Variants in SRPK2 observed in about 807,000 individuals in gnomAD.
The protein encoded by SRPK2 is SFRS protein kinase 2.
In SRPK2, 21 loss-of-function variants were observed where a neutral mutation model predicts 90.8. The observed-to-expected ratio is 0.23, with a 90% CI of 0.16 to 0.33. The LOEUF (loss-of-function observed/expected upper bound fraction) is 0.33, where lower values mean the gene tolerates loss of function less well. Ranked by LOEUF, SRPK2 falls within the 10% of genes least tolerant of loss-of-function variation. SRPK2 has a pLI of 1.00. For synonymous variants in SRPK2, 288 were observed against 311.1 expected (o/e 0.93, Z 0.78); for missense variants, 620 against 869.0 (o/e 0.71, Z 3.60).
At chr7:105,212,071 A>G (rs1468657329) in intron 2 of SRPK2, among the ~76,000 whole-genome samples, 1 of 152,202 alleles carries the variant, frequency 6.6e-6, no homozygotes, top group Non-Finnish European at 1.5e-5. Flanking sequence ...AATTCCATAT[A>G]TTCTTTGCAA....
At chr7:105,354,382 T>C (rs751394440) in intron 2 of SRPK2, among the ~76,000 whole-genome samples, 9 of 152,160 alleles carry the variant, frequency 5.9e-5, no homozygotes, top group African/African-American at 1.4e-4. Flanking sequence ...GATGCTTTTT[T>C]CCTCCTGCAC....
intron 7 of SRPK2, among the ~76,000 whole-genome samples, chr7:105,153,885 G>A (rs908818887): frequency 2.6e-5 from 4 of 152,142 alleles, no homozygotes; most frequent in Non-Finnish European, 5.9e-5. Flanking sequence ...GGGGTTCTCC[G>A]CAAGCCTAGA....
At chr7:105,364,799 C>T (rs945119060) in intron 2 of SRPK2, among the ~76,000 whole-genome samples, 7 of 152,120 alleles carry the variant, frequency 4.6e-5, no homozygotes, top group Admixed American at 1.3e-4. Context: ...CTGTGCTGAA[C>T]CCCTGGGGTT....
chr7:105,331,621 A>G (rs998820162), intron 2 of SRPK2, among the ~76,000 whole-genome samples: 3 of 152,206 alleles, frequency 2.0e-5, no homozygotes, highest in African/African-American at 4.8e-5. Flanking sequence ...GACATTTCAC[A>G]CACTGTGCTT....
At chr7:105,361,863 A>G (rs1200569853) in intron 2 of SRPK2, among the ~76,000 whole-genome samples, 1 of 152,220 alleles carries the variant, frequency 6.6e-6, no homozygotes, top group Non-Finnish European at 1.5e-5. Flanking sequence ...ACCTAAAACC[A>G]TAAAAACCCT....
chr7:105,282,671 C>A (rs1280759045), intron 2 of SRPK2, among the ~76,000 whole-genome samples: 1 of 152,088 alleles, frequency 6.6e-6, no homozygotes, highest in Non-Finnish European at 1.5e-5. Context: ...CATCTGTAAT[C>A]CCAGCTACTC....
intron 2 of SRPK2, among the ~76,000 whole-genome samples, chr7:105,379,600 T>C (rs572304249): frequency 5.3e-5 from 8 of 152,232 alleles, no homozygotes; most frequent in Admixed American, 3.9e-4. Context: ...TTATGGAGCA[T>C]TGAAGGGGTT....
At chr7:105,213,857 C>T (rs574653407) in intron 2 of SRPK2, among the ~76,000 whole-genome samples, 1 of 152,220 alleles carries the variant, frequency 6.6e-6, no homozygotes, top group Middle Eastern at 3.4e-3. Flanking sequence ...GTAAGATGTA[C>T]CACTTTACAC....
At chr7:105,354,921 G>A (rs1817614371) in intron 2 of SRPK2, among the ~76,000 whole-genome samples, 1 of 152,000 alleles carries the variant, frequency 6.6e-6, no homozygotes, top group Non-Finnish European at 1.5e-5. Flanking sequence ...CCAGCTCTAG[G>A]TAACCATAAA....
chr7:105,343,988 T>A (rs1482346959), intron 2 of SRPK2, among the ~76,000 whole-genome samples: 1 of 152,150 alleles, frequency 6.6e-6, no homozygotes, highest in Non-Finnish European at 1.5e-5. Flanking sequence ...GGTCTCGAAC[T>A]CCTGACCTCA....
intron 2 of SRPK2, among the ~76,000 whole-genome samples, chr7:105,319,335 G>C (rs1812644993): frequency 6.6e-6 from 1 of 152,116 alleles, no homozygotes; most frequent in East Asian, 1.9e-4. Context: ...TAAGTATACA[G>C]CCCTCCATTT....
chr7:105,392,047 G>A (rs1822196048), upstream of SRPK2, among the ~76,000 whole-genome samples: 2 of 152,194 alleles, frequency 1.3e-5, no homozygotes, highest in South Asian at 2.1e-4. Context: ...ACTGACACAT[G>A]CTACAATGTG....
chr7:105,322,088 G>T (rs540211966), intron 2 of SRPK2, among the ~76,000 whole-genome samples: 1 of 152,246 alleles, frequency 6.6e-6, no homozygotes, highest in South Asian at 2.1e-4. Flanking sequence ...CTGGTGTATA[G>T]ATACAATGAA....
At chr7:105,139,863 T>C (rs764020723) in intron 11 of SRPK2, among the ~76,000 whole-genome samples, 5 of 152,114 alleles carry the variant, frequency 3.3e-5, no homozygotes, top group Middle Eastern at 3.4e-3. Context: ...TCCACAGTTA[T>C]TAAGTTTTGA....
chr7:105,173,339 T>C (rs914741324), intron 3 of SRPK2, among the ~76,000 whole-genome samples: 1 of 152,210 alleles, frequency 6.6e-6, no homozygotes. Flanking sequence ...AAACGTGATA[T>C]ACACAATTTC....
chr7:105,176,747 A>G (rs202194217), intron 3 of SRPK2, among the ~76,000 whole-genome samples: 16 of 45,934 alleles, frequency 3.5e-4, no homozygotes, highest in South Asian at 1.0e-3. Context: ...GTATGTGTGT[A>G]TATGTGTGTG....
At chr7:105,315,199 T>C (rs147028475) in intron 2 of SRPK2, among the ~76,000 whole-genome samples, 156 of 152,300 alleles carry the variant, frequency 1.0e-3, no homozygotes, top group African/African-American at 3.7e-3. Flanking sequence ...AGTCAAGTAT[T>C]TTTTCCATTT....
At chr7:105,147,978 C>T (rs987494206) in intron 7 of SRPK2, among the ~76,000 whole-genome samples, 3 of 152,150 alleles carry the variant, frequency 2.0e-5, no homozygotes, top group Non-Finnish European at 4.4e-5. Context: ...CTCGTGTATA[C>T]ATTTTTGTGT....
intron 2 of SRPK2, among the ~76,000 whole-genome samples, chr7:105,249,567 A>G (rs1802200556): frequency 6.6e-6 from 1 of 152,076 alleles, no homozygotes; most frequent in Non-Finnish European, 1.5e-5. Context: ...CAAATACTGG[A>G]AGTTATCAGT....
Sources: gnomAD v4.1 joint callset for allele counts (sites outside exome capture counted in the v4.1 genomes callset) on GRCh38, gnomAD v4.1.1 for gene constraint, MANE v1.5 for transcripts, NCBI Gene and HGNC (gene_info 2026-07-23, HGNC 2026-07-21) for gene names.